Variants in ILDR2 observed in about 807,000 individuals in gnomAD.
The protein encoded by ILDR2 is immunoglobulin like domain containing receptor 2.
A neutral mutation model predicts 66.8 loss-of-function variants in ILDR2; 25 were observed. The observed-to-expected ratio is 0.37, with a 90% CI of 0.27 to 0.52. The LOEUF is 0.52. Ranked by LOEUF, ILDR2 falls within the 20% of genes least tolerant of loss-of-function variation. ILDR2 has a pLI of 0.88. For missense variants in ILDR2, 827 were observed against 876.8 expected, an observed-to-expected ratio of 0.94 and a Z score of 0.72; for synonymous variants, 367 against 357.2, an observed-to-expected ratio of 1.03 and a Z score of -0.31.
chr1:166,923,616 C>T (rs1660092004), intron 7 of ILDR2, among the ~76,000 whole-genome samples: 1 of 152,188 alleles, frequency 6.6e-6, no homozygotes, highest in Non-Finnish European at 1.5e-5. Context: ...ACCTGTGGGC[C>T]TCTACTTATA....
intron 7 of ILDR2, among the ~76,000 whole-genome samples, chr1:166,923,849 A>G (rs1660109780): frequency 6.6e-6 from 1 of 152,250 alleles, no homozygotes; most frequent in Admixed American, 6.5e-5. Flanking sequence ...TCTATTTGCA[A>G]TGTAACTGAA....
chr1:166,905,337 C>T (rs577643503), downstream of ILDR2, among the ~76,000 whole-genome samples: 1 of 152,310 alleles, frequency 6.6e-6, no homozygotes, highest in East Asian at 1.9e-4. Context: ...TTTAATACCA[C>T]AAAATTGCAG....
At chr1:166,963,336 A>G (rs904591297) in intron 1 of ILDR2, among the ~76,000 whole-genome samples, 3 of 152,214 alleles carry the variant, frequency 2.0e-5, no homozygotes, top group African/African-American at 4.8e-5. Context: ...AAAATCCTAT[A>G]AAGTAGGCAT....
At chr1:166,954,764 T>G (rs996544544) in intron 3 of ILDR2, among the ~76,000 whole-genome samples, 1 of 152,214 alleles carries the variant, frequency 6.6e-6, no homozygotes, top group East Asian at 1.9e-4. Flanking sequence ...GCCCTTTTTT[T>G]CCTTGAGAAT....
At position 166,920,961 on chromosome 1, in the gene ILDR2, G is replaced by A. The variant is rs1441963534; in HGVS notation, c.1630C>T (p.Arg544Cys). ...GATGGCGTCTCCAGGCTGCCACCGC[G>A]GCTGGCGCCCTCGGGCCGCGCCTGG... ...ERQARPEGASRGGSLETPSKR... is the reference protein window; with the variant it reads ...ERQARPEGASCGGSLETPSKR... The change falls in exon 9 of 10, where the codon CGC becomes TGC. Residue 544 changes from arginine to cysteine, a missense_variant. Arg to Cys is a radical substitution (Grantham distance 180). This residue lies in a region of ILDR2 where 390 missense variants were observed against 353.6 expected (regional missense o/e 1.10). Transcript: ENST00000271417. 1.0e-5 allele frequency: 15 copies of A among 1,485,194 alleles called. No homozygotes were observed. The South Asian group carries it at 1.9e-4, about 19-fold the overall frequency. The allele number at this position is 1,485,194 out of a possible 1,614,324, so 92.0% of individuals were successfully genotyped here.
chr1:166,954,688 T>G (rs1018480047), intron 3 of ILDR2, among the ~76,000 whole-genome samples: 1 of 152,208 alleles, frequency 6.6e-6, no homozygotes, highest in Non-Finnish European at 1.5e-5. Flanking sequence ...TTTTTCTTCA[T>G]CTTTCCTCCC....
Position 166,920,939 on chromosome 1 carries a change from G to A in ILDR2, c.1652C>T (p.Pro551Leu). The A allele has an allele frequency of 2.7e-6, 4 of 1,482,936 alleles. No homozygotes were observed. The highest frequency in any genetic ancestry group is 3.6e-6 in the Non-Finnish European group (4 of 1,125,754). 91.9% of individuals were successfully genotyped at this position (1,482,936 alleles called of 1,614,324 possible). ...GCCGAGCTGCGCGCTCCGCTTGGAT[G>A]GCGTCTCCAGGCTGCCACCGCGGCT... ...GASRGGSLET[P>L]SKRSAQLGPR... The change falls in exon 9 of 10, where the codon CCA becomes CTA. Residue 551 changes from proline (P) to leucine (L), a missense_variant. By Grantham distance (98) the Pro-to-Leu change is moderately conservative. Coordinates refer to ENST00000271417, the MANE Select transcript of ILDR2 (RefSeq NM_199351.3).
intron 6 of ILDR2, among the ~76,000 whole-genome samples, chr1:166,930,093 G>A (rs1026192297): frequency 1.3e-5 from 2 of 152,152 alleles, no homozygotes; most frequent in Admixed American, 1.3e-4. Flanking sequence ...CTGTGCCCTG[G>A]CAGACAGACA....
At chr1:166,946,244 A>G (rs182753412) in intron 3 of ILDR2, among the ~76,000 whole-genome samples, 107 of 152,368 alleles carry the variant, frequency 7.0e-4, no homozygotes, top group African/African-American at 2.5e-3. Context: ...TGCATTTAAT[A>G]AATATAGTTT....
chr1:166,896,872 C>T (rs888371754), intron 2 of ILDR2, among the ~76,000 whole-genome samples: 8 of 151,932 alleles, frequency 5.3e-5, no homozygotes, highest in Non-Finnish European at 8.8e-5. Flanking sequence ...TGACCTCAGG[C>T]GGTCCACCCA....
At position 166,910,611 on chromosome 1, in the gene ILDR2, ACTT is replaced by A. The variant is rs1338756457; in HGVS notation, c.*8741_*8743del. The A allele has an allele frequency of 1.2e-4, 18 of 152,326 alleles. No homozygotes were observed. The highest frequency in any genetic ancestry group is 4.1e-4 in the African/African-American group (17 of 41,574). 9.4% of individuals were successfully genotyped at this position (152,326 alleles called of 1,614,324 possible). On this transcript the variant is annotated 3_prime_UTR_variant, in exon 10 of 10. Transcript: ENST00000271417. ...CTCACCTCTAAGCAACTTCCTAGCTACTTCTACACCTCATGCCATTTTTGGTGA... is the reference window on the plus strand; with the variant it reads ...CTCACCTCTAAGCAACTTCCTAGCTACTACACCTCATGCCATTTTTGGTGA...
rs1571258732 is a variant in ILDR2 at position 166,910,440 on chromosome 1, T to C, written c.*8915A>G. 6.6e-6 allele frequency: 1 copy of C among 152,240 alleles called. No individual in the cohort carries two copies. Among genetic ancestry groups the C allele is most frequent in the Non-Finnish European group, 1.5e-5 (1 of 68,042 alleles). 9.4% of individuals were successfully genotyped at this position (152,240 alleles called of 1,614,324 possible). ...AGCCAAATTCATCTATATAAATTCA[T>C]ATATAGCATTAAAATAAGCTATATA... On this transcript the variant is annotated 3_prime_UTR_variant, in exon 10 of 10. Transcript: ENST00000271417.
chr1:166,930,853 A>AT (rs1660603800), intron 6 of ILDR2, among the ~76,000 whole-genome samples: 6 of 152,228 alleles, frequency 3.9e-5, no homozygotes, highest in Non-Finnish European at 7.4e-5. Context: ...TGTCAGATTG[A>AT]TTTTTATCTG....
chr1:166,956,830 C>T lies in ILDR2; in HGVS notation c.402G>A (p.Lys134=). The T allele has an allele frequency of 6.2e-7, 1 of 1,613,792 alleles. No individual in the cohort carries two copies. The highest frequency in any genetic ancestry group is 8.5e-7 in the Non-Finnish European group (1 of 1,179,834). The change falls in exon 3 of 10, where the codon AAG becomes AAA. Residue 134 remains lysine, a synonymous_variant. Coordinates refer to ENST00000271417, the MANE Select transcript of ILDR2 (RefSeq NM_199351.3). The part of the protein sequence containing the change: ...IVHDADLQIG[K]LMWGDSGLYY... ...AGAGTCCGCTGTCTCCCCACATAAG[C>T]TTTCCAATTTGAAGATCTGCATCTG... is the stretch of plus-strand genomic sequence containing the variant.
intron 1 of ILDR2, among the ~76,000 whole-genome samples, chr1:166,968,057 C>T (rs188273693): frequency 6.6e-6 from 1 of 152,332 alleles, no homozygotes; most frequent in East Asian, 1.9e-4. Context: ...CACACTGAGG[C>T]TCACATGATA....
At chr1:166,943,360 C>T (rs1661422726) in intron 3 of ILDR2, among the ~76,000 whole-genome samples, 1 of 151,828 alleles carries the variant, frequency 6.6e-6, no homozygotes, top group South Asian at 2.1e-4. Context: ...GGCGTGGTGG[C>T]GGGCGCCTGT....
Position 166,921,521 on chromosome 1 carries a change from G to A in ILDR2, c.1212-142C>T. 1 of 672,592 alleles carries A rather than the reference G, an allele frequency of 1.5e-6. No homozygotes were observed. The highest frequency in any genetic ancestry group is 2.4e-6 in the Non-Finnish European group (1 of 410,926). 41.7% of individuals were successfully genotyped at this position (672,592 alleles called of 1,614,324 possible). ...TCAGCTCCGCTCCAGGCTGGATGAAGCATTCCAGGCTCCTCTCACACCCCA... is the reference window on the plus strand; with the variant it reads ...TCAGCTCCGCTCCAGGCTGGATGAAACATTCCAGGCTCCTCTCACACCCCA... On this transcript the variant is annotated intron_variant, in intron 8 of 9. Coordinates refer to ENST00000271417, the MANE Select transcript of ILDR2 (RefSeq NM_199351.3). The surrounding 1 kb of genome is among the most constrained non-coding windows in gnomAD (Gnocchi z 5.3).
At chr1:166,954,432 T>C (rs1571183337) in intron 3 of ILDR2, among the ~76,000 whole-genome samples, 1 of 152,236 alleles carries the variant, frequency 6.6e-6, no homozygotes, top group Non-Finnish European at 1.5e-5. Context: ...AGAAAAATTT[T>C]TGTAGATTTC....
intron 1 of ILDR2, among the ~76,000 whole-genome samples, chr1:166,974,991 T>C (rs531737651): frequency 3.3e-5 from 5 of 151,830 alleles, no homozygotes; most frequent in Admixed American, 1.3e-4. Context: ...TCACTTGTCA[T>C]TGGGCTTCTC....
Sources: allele counts gnomAD v4.1 joint callset (sites outside exome capture counted in the v4.1 genomes callset), GRCh38; gene constraint gnomAD v4.1.1; regional missense constraint gnomAD v4.1.1; non-coding constraint Gnocchi (gnomAD v3.1); transcripts MANE v1.5; gene names NCBI Gene and HGNC (gene_info 2026-07-23, HGNC 2026-07-21).